The following MDH1B variants were observed in gnomAD, a reference collection of about 807,000 sequenced individuals.
MDH1B encodes the protein malate dehydrogenase 1B, also known as putative malate dehydrogenase 1B.
MDH1B carries 60 observed loss-of-function variants against 61.4 expected under a neutral mutation model. The observed-to-expected ratio is 0.98, with a 90% confidence interval of 0.79 to 1.21. The LOEUF is 1.21. MDH1B is among the 50% of genes most tolerant of loss of function. The probability of loss-of-function intolerance (pLI) is 0.00; values close to 1 mark genes in which losing one functional copy is unlikely to be tolerated. For synonymous variants in MDH1B, 236 were observed against 218.7 expected (o/e 1.08, Z -0.70); for missense variants, 587 against 632.1 (o/e 0.93, Z 0.76).
intron 9 of MDH1B, among the ~76,000 whole-genome samples, chr2:206,745,122 A>C (rs926259180): frequency 1.3e-5 from 2 of 152,118 alleles, no homozygotes; most frequent in Non-Finnish European, 2.9e-5. Flanking sequence ...AGAAACACAG[A>C]CACACACAGA....
intron 1 of MDH1B, among the ~76,000 whole-genome samples, chr2:206,762,756 C>T (rs1352078287): frequency 6.6e-6 from 1 of 152,128 alleles, no homozygotes; most frequent in African/African-American, 2.4e-5. Flanking sequence ...ACTTCCATGC[C>T]ACTAAATCCA....
At chr2:206,752,983 T>G (rs1324818613) in intron 5 of MDH1B, among the ~76,000 whole-genome samples, 1 of 149,292 alleles carries the variant, frequency 6.7e-6, no homozygotes, top group African/African-American at 2.5e-5. Context: ...GGGCATGCAG[T>G]CCAAGCCTGG....
chr2:206,749,041 A>G lies in MDH1B; in HGVS notation c.1195T>C (p.Ser399Pro), dbSNP rs1171408735. The change falls in exon 7 of 12, where the codon TCT (serine) becomes CCT (proline). Residue 399 changes from serine (S) to proline (P), a missense_variant. Ser to Pro is a moderately conservative substitution (Grantham distance 74). Transcript: ENST00000374412. The stretch of plus-strand genomic sequence containing the variant: ...TTACCTTCACTCAATATTCCTAAAG[A>G]TACAATCTCCCCAGGTGGTGAGCCA... Reference protein sequence around the residue: ...YHGSPPGEIVSLGILSEGQFG... With the variant: ...YHGSPPGEIVPLGILSEGQFG... The G allele has an allele frequency of 6.2e-7, 1 of 1,613,874 alleles. No homozygotes were observed. The highest frequency in any genetic ancestry group is 1.1e-5 in the South Asian group (1 of 90,970).
At chr2:206,755,598 T>C in intron 4 of MDH1B, 93 bp from the exon 5 acceptor site, 3 of 1,446,710 alleles carry the variant, frequency 2.1e-6, no homozygotes, top group Non-Finnish European at 2.8e-6. Flanking sequence ...TGTGCATCAA[T>C]AGGGTGGTTT....
At chr2:206,762,923 T>C (rs1172532906) in intron 1 of MDH1B, among the ~76,000 whole-genome samples, 1 of 152,210 alleles carries the variant, frequency 6.6e-6, no homozygotes, top group African/African-American at 2.4e-5. Flanking sequence ...TCCATTCCTT[T>C]ATCAACCCAT....
rs545114838 is a variant in MDH1B at position 206,755,531 on chromosome 2, T to C, written c.414-26A>G. 2.2e-5 allele frequency: 35 copies of C among 1,591,628 alleles called. No individual in the cohort carries two copies. In the South Asian group the frequency reaches 3.7e-4, roughly 17 times the overall value. Reference sequence around the variant, plus strand: ...CTGATAAAAATGCAAAGCCGCATTGTGAATAGTTATATCCTTTGTCCCTTT... The same window carrying C: ...CTGATAAAAATGCAAAGCCGCATTGCGAATAGTTATATCCTTTGTCCCTTT... On this transcript the variant is annotated intron_variant, in intron 4 of 11. Coordinates refer to ENST00000374412, the MANE Select transcript of MDH1B (RefSeq NM_001039845.3).
At chr2:206,761,730 C>T (rs180740416) in intron 1 of MDH1B, among the ~76,000 whole-genome samples, 1 of 152,152 alleles carries the variant, frequency 6.6e-6, no homozygotes, top group East Asian at 1.9e-4. Context: ...AAAGCCACTA[C>T]AACAGATGGA....
intron 5 of MDH1B, among the ~76,000 whole-genome samples, chr2:206,751,603 T>G (rs981793128): frequency 6.6e-6 from 1 of 152,176 alleles, no homozygotes; most frequent in Non-Finnish European, 1.5e-5. Context: ...AGTCAACAAA[T>G]AGTTATGAAT....
At chr2:206,746,797 C>T (rs1309936146) in intron 7 of MDH1B, among the ~76,000 whole-genome samples, 2 of 152,212 alleles carry the variant, frequency 1.3e-5, no homozygotes, top group South Asian at 2.1e-4. Flanking sequence ...TCACCTGCTA[C>T]AGCACTCACA....
Position 206,755,292 on chromosome 2 carries a change from G to A in MDH1B, c.627C>T (p.His209=), listed in dbSNP as rs752032717. The A allele has an allele frequency of 7.4e-6, 12 of 1,614,076 alleles. No individual in the cohort carries two copies. The highest frequency in any genetic ancestry group is 2.7e-5 in the African/African-American group (2 of 74,926). ...TGCTGTCATCCAGCACCACAATGAC[G>A]TGGGCCTGGCGGAAGGCCTCCTCCA... ...TKVEEAFRQA[H]VIVVLDDSTN... The change falls in exon 5 of 12, where the codon CAC becomes CAT. Residue 209 remains histidine (H), a synonymous_variant. Coordinates refer to ENST00000374412, the MANE Select transcript of MDH1B (RefSeq NM_001039845.3).
chr2:206,751,589 T>C (rs1476281320), intron 5 of MDH1B, among the ~76,000 whole-genome samples: 1 of 152,206 alleles, frequency 6.6e-6, no homozygotes, highest in Non-Finnish European at 1.5e-5. Context: ...CTGGGCAACA[T>C]CTTAGTCAAC....
At chr2:206,764,580 G>C (rs1223086590) in intron 1 of MDH1B, among the ~76,000 whole-genome samples, 2 of 152,188 alleles carry the variant, frequency 1.3e-5, no homozygotes, top group African/African-American at 4.8e-5. Flanking sequence ...AGTCCTTGCT[G>C]TCAACCAGCA....
intron 9 of MDH1B, among the ~76,000 whole-genome samples, chr2:206,741,833 G>A (rs960832045): frequency 1.2e-4 from 18 of 152,278 alleles, no homozygotes; most frequent in Admixed American, 5.2e-4. Flanking sequence ...GGTTTCTGGA[G>A]TTGGCTGCTT....
Position 206,755,276 on chromosome 2 carries a change from C to G in MDH1B, c.643G>C (p.Asp215His). 6.2e-7 allele frequency: 1 copy of G among 1,614,186 alleles called. No homozygotes were observed. Among genetic ancestry groups the G allele is most frequent in the Non-Finnish European group, 8.5e-7 (1 of 1,180,036 alleles). ...FRQAHVIVVL[D>H]DSTNKEVFTL... ...AACACCTCCTTGTTGGTGCTGTCAT[C>G]CAGCACCACAATGACGTGGGCCTGG... is the stretch of plus-strand genomic sequence containing the variant. Residue 215 changes from aspartate to histidine, a missense_variant, in exon 5 of 12, where the codon GAT (aspartate) becomes CAT (histidine). Coordinates refer to ENST00000374412, the MANE Select transcript of MDH1B (RefSeq NM_001039845.3).
At chr2:206,755,915 CTT>C (rs34981283) in intron 4 of MDH1B, among the ~76,000 whole-genome samples, 17,007 of 140,622 alleles carry the variant, frequency 0.12, 1,186 homozygotes, top group African/African-American at 0.24. Context: ...ACAATAATGA[CTT>C]TTTTTTTTTT....
intron 4 of MDH1B, chr2:206,756,520 G>T: frequency 5.5e-6 from 1 of 182,242 alleles, no homozygotes; most frequent in Non-Finnish European, 1.1e-5. Context: ...GGGGAGCAAG[G>T]CGAGGGGAGT....
At chr2:206,748,318 G>C (rs1688234711) in intron 7 of MDH1B, among the ~76,000 whole-genome samples, 1 of 152,266 alleles carries the variant, frequency 6.6e-6, no homozygotes, top group African/African-American at 2.4e-5. Flanking sequence ...GGAGGGGGTT[G>C]CAGTGAGCTG....
In MDH1B at chr2:206,752,687, T is replaced by C. The variant is rs370280279; in HGVS notation, c.911-1612A>G. On this transcript the variant is annotated intron_variant, in intron 5 of 11. Coordinates refer to ENST00000374412, the MANE Select transcript of MDH1B (RefSeq NM_001039845.3). ...TAATTGTGCTGGGTTTCATTTTTCT[T>C]ATCAGCTTTGAGGCCCTTGATAGCT... Among the ~76,000 whole-genome samples the C allele has an allele frequency of 1.1e-3, 161 of 152,274 alleles. No homozygotes were observed. In the South Asian group the frequency reaches 0.021, roughly 20 times the overall value.
intron 4 of MDH1B, among the ~76,000 whole-genome samples, chr2:206,755,738 C>T (rs374417424): frequency 7.2e-5 from 11 of 152,140 alleles, no homozygotes; most frequent in South Asian, 4.1e-4. Context: ...AAGAAATATA[C>T]CTGTTTATTA....
Sources: gnomAD v4.1 joint callset for allele counts (sites outside exome capture counted in the v4.1 genomes callset) on GRCh38, gnomAD v4.1.1 for gene constraint, MANE v1.5 for transcripts, NCBI Gene and HGNC (gene_info 2026-07-23, HGNC 2026-07-21) for gene names.